CDYL: variants seen among roughly 807,000 people sequenced by gnomAD.
CDYL encodes chromodomain Y like, also known as chromodomain Y-like protein.
Under a neutral mutation model 47.3 loss-of-function variants are expected in CDYL, and 8 were observed. The ratio of observed to expected loss-of-function variants is 0.17; its 90% CI spans 0.10 to 0.31. The LOEUF is 0.31. Ranked by LOEUF, CDYL falls within the 10% of genes least tolerant of loss-of-function variation. The pLI is 1.00. For synonymous variants in CDYL, 266 were observed against 265.0 expected (o/e 1.00, Z -0.04); for missense variants, 471 against 701.4 (o/e 0.67, Z 3.71).
At chr6:4,841,041 TG>T (rs1275053546) in intron 1 of CDYL, among the ~76,000 whole-genome samples, 2 of 152,192 alleles carry the variant, frequency 1.3e-5, no homozygotes, top group African/African-American at 4.8e-5. Flanking sequence ...CATCAGGTCC[TG>T]GACTTTTTTT....
intron 2 of CDYL, among the ~76,000 whole-genome samples, chr6:4,914,701 T>C (rs1294838451): frequency 6.6e-6 from 1 of 152,234 alleles, no homozygotes; most frequent in Non-Finnish European, 1.5e-5. Context: ...CATTTGACTT[T>C]GGTTTGCATA....
chr6:4,792,831 C>T (rs1429853120), intron 1 of CDYL, among the ~76,000 whole-genome samples: 1 of 152,132 alleles, frequency 6.6e-6, no homozygotes, highest in Non-Finnish European at 1.5e-5. Context: ...ACAGTATGAA[C>T]TTTCACTTAC....
chr6:4,943,122 G>T (rs1199248015), intron 4 of CDYL, among the ~76,000 whole-genome samples: 1 of 152,216 alleles, frequency 6.6e-6, no homozygotes, highest in Non-Finnish European at 1.5e-5. Flanking sequence ...GGCAGTCTTA[G>T]TATGCCCTGG....
At chr6:4,808,525 T>A (rs79296007) in intron 1 of CDYL, among the ~76,000 whole-genome samples, 3,512 of 152,358 alleles carry the variant, frequency 0.023, 144 homozygotes, top group African/African-American at 0.08. Flanking sequence ...GCAGCTTTAT[T>A]AACTAGAACA....
chr6:4,773,006 G>A (rs1758360021), upstream of CDYL: 2 of 395,200 alleles, frequency 5.1e-6, no homozygotes, highest in Non-Finnish European at 1.0e-5. This position sits in a 1 kb window ranked among gnomAD's most constrained non-coding sequence, Gnocchi z 4.6. Flanking sequence ...TGGGAAAAGA[G>A]GAGGATCTCA....
At chr6:4,929,330 A>G (rs919078506) in intron 2 of CDYL, among the ~76,000 whole-genome samples, 1 of 151,576 alleles carries the variant, frequency 6.6e-6, no homozygotes, top group African/African-American at 2.4e-5. Context: ...TTCTATCTGT[A>G]ATCTTTTTGT....
At chr6:4,793,909 G>C (rs1178861377) in intron 1 of CDYL, among the ~76,000 whole-genome samples, 1 of 152,168 alleles carries the variant, frequency 6.6e-6, no homozygotes, top group Admixed American at 6.5e-5. Context: ...GTAGGGTGCA[G>C]CTTTGACTTT....
chr6:4,794,013 A>G (rs1759002046), intron 1 of CDYL, among the ~76,000 whole-genome samples: 1 of 152,098 alleles, frequency 6.6e-6, no homozygotes, highest in Admixed American at 6.5e-5. Context: ...GCGGCTGGGC[A>G]GCTGTGAACT....
At chr6:4,805,773 C>CT (rs1299916659) in intron 1 of CDYL, among the ~76,000 whole-genome samples, 1 of 152,194 alleles carries the variant, frequency 6.6e-6, no homozygotes. Flanking sequence ...TCTCCAGGCT[C>CT]TAAGTGGATT....
chr6:4,772,859 T>G, upstream of CDYL: 1 of 329,920 alleles, frequency 3.0e-6, no homozygotes, highest in South Asian at 2.5e-5. Context: ...GCTCTGAGAA[T>G]AGTAGTAGCT....
intron 3 of CDYL, among the ~76,000 whole-genome samples, chr6:4,760,585 C>T (rs182347700): frequency 6.6e-6 from 1 of 152,074 alleles, no homozygotes; most frequent in Non-Finnish European, 1.5e-5. Flanking sequence ...GAAGGCTTCC[C>T]GAAGCAGAGG....
intron 1 of CDYL, among the ~76,000 whole-genome samples, chr6:4,833,719 T>C (rs1282578880): frequency 1.3e-5 from 2 of 151,784 alleles, no homozygotes; most frequent in East Asian, 3.8e-4. Context: ...AGTCTCTTTT[T>C]AGATCACTCA....
chr6:4,880,161 A>G (rs1409709957), intron 1 of CDYL, among the ~76,000 whole-genome samples: 1 of 152,124 alleles, frequency 6.6e-6, no homozygotes, highest in Admixed American at 6.6e-5. Context: ...TCACTGCCCT[A>G]GAAATCCTTT....
intron 3 of CDYL, among the ~76,000 whole-genome samples, chr6:4,746,509 T>G (rs1757901914): frequency 6.6e-6 from 1 of 151,904 alleles, no homozygotes; most frequent in African/African-American, 2.4e-5. Flanking sequence ...CAGGAATGGA[T>G]AGTAATGAAG....
chr6:4,846,161 T>A (rs2127461219), intron 1 of CDYL, among the ~76,000 whole-genome samples: 1 of 151,796 alleles, frequency 6.6e-6, no homozygotes, highest in East Asian at 1.9e-4. Context: ...TAAGAATTAG[T>A]TGTCTTTGGG....
intron 1 of CDYL, among the ~76,000 whole-genome samples, chr6:4,885,461 C>T (rs532425481): frequency 9.9e-4 from 151 of 152,296 alleles, no homozygotes; most frequent in African/African-American, 3.4e-3. Context: ...TCAGATGGAT[C>T]AGAGTGCATA....
intron 1 of CDYL, among the ~76,000 whole-genome samples, chr6:4,819,733 G>A (rs146905963): frequency 6.6e-6 from 1 of 152,156 alleles, no homozygotes; most frequent in Non-Finnish European, 1.5e-5. Context: ...ACCCTCAAGG[G>A]ACATTTGGCA....
At chr6:4,713,192 C>G (rs1757183664) in intron 1 of CDYL, among the ~76,000 whole-genome samples, 1 of 152,164 alleles carries the variant, frequency 6.6e-6, no homozygotes, top group Non-Finnish European at 1.5e-5. Flanking sequence ...AGTGAGGGCT[C>G]CAATCACACA....
At chr6:4,716,057 G>A (rs916043667) in intron 2 of CDYL, among the ~76,000 whole-genome samples, 2 of 151,788 alleles carry the variant, frequency 1.3e-5, no homozygotes, top group Middle Eastern at 3.2e-3. Context: ...GACCATCCTG[G>A]TTAACACGGT....
Sources: gnomAD v4.1 joint callset for allele counts (sites outside exome capture counted in the v4.1 genomes callset) on GRCh38, gnomAD v4.1.1 for gene constraint, Gnocchi (gnomAD v3.1) non-coding constraint, MANE v1.5 for transcripts, NCBI Gene and HGNC (gene_info 2026-07-23, HGNC 2026-07-21) for gene names.